NEO1: variants seen among roughly 807,000 people sequenced by gnomAD.
NEO1 encodes the protein neogenin.
A neutral mutation model predicts 159.7 loss-of-function variants in NEO1; 63 were observed. That is an observed-to-expected ratio of 0.39 (90% CI 0.32 to 0.49). The LOEUF (loss-of-function observed/expected upper bound fraction) is 0.49. Ranked by LOEUF, NEO1 falls within the 20% of genes least tolerant of loss-of-function variation. The pLI is 0.85. For synonymous variants in NEO1, 633 were observed against 662.0 expected, an observed-to-expected ratio of 0.96 and a Z score of 0.67; for missense variants, 1,615 against 1,831.0, an observed-to-expected ratio of 0.88 and a Z score of 2.15.
At chr15:73,153,499 C>T (rs1045288114) in intron 5 of NEO1, among the ~76,000 whole-genome samples, 4 of 152,196 alleles carry the variant, frequency 2.6e-5, no homozygotes, top group Non-Finnish European at 5.9e-5. Flanking sequence ...AGCATTGGCC[C>T]TACCTGAAAT....
At chr15:73,157,171 C>T (rs2033843874) in intron 5 of NEO1, among the ~76,000 whole-genome samples, 1 of 152,224 alleles carries the variant, frequency 6.6e-6, no homozygotes, top group Non-Finnish European at 1.5e-5. Flanking sequence ...AGCTCTCCTC[C>T]TGCTCAGGTC....
chr15:73,068,469 C>T (rs1236510864), intron 1 of NEO1, among the ~76,000 whole-genome samples: 3 of 152,058 alleles, frequency 2.0e-5, no homozygotes, highest in African/African-American at 4.8e-5. Context: ...GCCTTGGCCT[C>T]GCAAAGTACT....
At chr15:73,233,385 CTT>C (rs1041384928) in intron 7 of NEO1, among the ~76,000 whole-genome samples, 11 of 152,090 alleles carry the variant, frequency 7.2e-5, no homozygotes, top group African/African-American at 2.7e-4. Context: ...TTTATATACA[CTT>C]TGTGTCAACC....
chr15:73,101,250 T>C (rs2070385356), intron 1 of NEO1, among the ~76,000 whole-genome samples: 1 of 152,276 alleles, frequency 6.6e-6, no homozygotes, highest in South Asian at 2.1e-4. Flanking sequence ...GCTTAATTTC[T>C]AAATATCTTA....
chr15:73,249,197 G>C lies in NEO1; in HGVS notation c.1744G>C (p.Asp582His). 1.9e-6 allele frequency: 3 copies of C among 1,613,940 alleles called. No individual in the cohort carries two copies. The highest frequency in any genetic ancestry group is 1.7e-6 in the Non-Finnish European group (2 of 1,179,868). ...ATTGTACTACATGGAAAAGGGGACT[G>C]ATAAAGAACAGGTATGAAGTGAAGC... ...YKLYYMEKGTDKEQDVDVSSH... is the reference protein window; with the variant it reads ...YKLYYMEKGTHKEQDVDVSSH... The change falls in exon 10 of 29, where the codon GAT becomes CAT. Residue 582 changes from aspartate to histidine, a missense_variant. Asp to His is a moderately conservative substitution (Grantham distance 81). Around this residue, in one of 3 missense-constraint regions of NEO1, gnomAD observed 1,018 missense variants for 1,115.4 expected, o/e 0.91. Coordinates refer to ENST00000261908, the MANE Select transcript of NEO1 (RefSeq NM_002499.4).
intron 1 of NEO1, among the ~76,000 whole-genome samples, chr15:73,057,865 A>G (rs911258703): frequency 2.6e-5 from 4 of 152,300 alleles, no homozygotes; most frequent in South Asian, 4.1e-4. Context: ...TTATTTTAAA[A>G]ACTTATTTAA....
rs2151127908 is a variant in NEO1 at position 73,289,239 on chromosome 15, G to GT, written c.3742+2dup. On this transcript the variant is annotated splice_donor_variant, in intron 25 of 28. Coordinates refer to ENST00000261908, the MANE Select transcript of NEO1 (RefSeq NM_002499.4). LOFTEE classifies it high-confidence loss of function. The stretch of plus-strand genomic sequence containing the variant: ...CCCTTTGACTCCCAGCCACCCCAGC[G>GT]TAAGTAGAAGCATCTCTTTTCCTCA... 1 of 1,613,518 alleles carries GT rather than the reference G, an allele frequency of 6.2e-7. No homozygotes were observed.
chr15:73,169,259 A>G, intron 5 of NEO1, among the ~76,000 whole-genome samples: 1 of 152,200 alleles, frequency 6.6e-6, no homozygotes, highest in East Asian at 1.9e-4. Flanking sequence ...TACATTTAGC[A>G]ATTAAAATTA....
At chr15:73,221,016 T>G (rs2038221725) in intron 7 of NEO1, among the ~76,000 whole-genome samples, 2 of 152,190 alleles carry the variant, frequency 1.3e-5, no homozygotes, top group Non-Finnish European at 2.9e-5. Flanking sequence ...TTTTTAGAGT[T>G]TCCAGTTTTT....
rs557496491 is a variant in NEO1, at chr15:73,212,802, A to G, written c.1292-23545A>G. On this transcript the variant is annotated intron_variant, in intron 7 of 28. Transcript: ENST00000261908. ...GGAATGATTAAATAAATGGTGGTAT[A>G]TCTATATTGTAGAATACTATTCAGC... 5.9e-5 allele frequency among the ~76,000 whole-genome samples: 9 copies of G among 152,332 alleles called. No homozygotes were observed. In the South Asian group the frequency reaches 1.0e-3, roughly 18 times the overall value.
In NEO1 at chr15:73,260,330, G is replaced by A. The variant is rs369857668; in HGVS notation, c.2263G>A (p.Val755Ile). The change falls in exon 15 of 29, where the codon GTA (valine) becomes ATA (isoleucine). Residue 755 changes from valine (V) to isoleucine (I), a missense_variant. Transcript: ENST00000261908. ...CGTACGCCCGCTCGTTACTAGCATC[G>A]TAGTGAGCTGGACTCCTCCAGAGAA... ...LHVRPLVTSI[V>I]VSWTPPENQN... The A allele has an allele frequency of 1.4e-5, 23 of 1,613,804 alleles. No individual in the cohort carries two copies. The African/African-American group carries it at 2.1e-4, about 15-fold the overall frequency.
At chr15:73,279,615 C>T (rs980133730) in intron 22 of NEO1, among the ~76,000 whole-genome samples, 22 of 152,094 alleles carry the variant, frequency 1.4e-4, no homozygotes, top group African/African-American at 5.1e-4. Context: ...TCCCAAAGTG[C>T]TGGGATTACA....
At chr15:73,198,158 C>T (rs1048349117) in intron 7 of NEO1, among the ~76,000 whole-genome samples, 3 of 151,972 alleles carry the variant, frequency 2.0e-5, no homozygotes, top group African/African-American at 4.8e-5. Context: ...AAAAATTCAA[C>T]GTATTTAGCC....
At chr15:73,257,813 A>G (rs1489975164) in intron 13 of NEO1, among the ~76,000 whole-genome samples, 2 of 152,238 alleles carry the variant, frequency 1.3e-5, no homozygotes, top group African/African-American at 2.4e-5. Flanking sequence ...CAAGATCTTC[A>G]TTGAGTAGTG....
chr15:73,256,090 ATATTTT>A (rs1192737461), intron 13 of NEO1: 1 of 152,224 alleles, frequency 6.6e-6, no homozygotes, highest in African/African-American at 2.4e-5. Flanking sequence ...AACTTTCTTT[ATATTTT>A]ATCTCTCCTG....
intron 7 of NEO1, among the ~76,000 whole-genome samples, chr15:73,221,240 G>A (rs1219268006): frequency 2.0e-5 from 3 of 152,146 alleles, no homozygotes; most frequent in Non-Finnish European, 2.9e-5. Context: ...GCAGAACAGC[G>A]GTTTTTCGTG....
At chr15:73,291,238 A>G (rs767745710) in intron 25 of NEO1, among the ~76,000 whole-genome samples, 39 of 152,240 alleles carry the variant, frequency 2.6e-4, no homozygotes, top group Non-Finnish European at 4.9e-4. Flanking sequence ...TTTGTTTTGT[A>G]TAAGACTTGA....
At chr15:73,274,981 G>A (rs1033739002) in intron 21 of NEO1, among the ~76,000 whole-genome samples, 5 of 151,912 alleles carry the variant, frequency 3.3e-5, no homozygotes, top group Admixed American at 6.6e-5. Context: ...TCTTAAGTGT[G>A]GATCAGATCA....
intron 5 of NEO1, among the ~76,000 whole-genome samples, chr15:73,151,047 C>T (rs1256615065): frequency 1.3e-5 from 2 of 152,174 alleles, no homozygotes; most frequent in Non-Finnish European, 2.9e-5. Flanking sequence ...AGTGGTCATA[C>T]CAGTTCACAT....
Sources: allele counts gnomAD v4.1 joint callset (sites outside exome capture counted in the v4.1 genomes callset), GRCh38; gene constraint gnomAD v4.1.1; regional missense constraint gnomAD v4.1.1; transcripts MANE v1.5; gene names NCBI Gene and HGNC (gene_info 2026-07-23, HGNC 2026-07-21).